Variants in ZFHX4 observed in about 807,000 individuals in gnomAD.
The protein encoded by ZFHX4 is zinc finger homeobox protein 4.
In ZFHX4, 56 loss-of-function variants were observed where a neutral mutation model predicts 267.6. The observed-to-expected ratio is 0.21, with a 90% CI of 0.17 to 0.26. The LOEUF (loss-of-function observed/expected upper bound fraction) is 0.26, where lower values mean the gene tolerates loss of function less well. Among genes scored for constraint, ZFHX4 ranks in the 10% least tolerant of loss-of-function variants. ZFHX4 has a pLI of 1.00. For missense variants in ZFHX4, 4,332 were observed against 4,420.0 expected (o/e 0.98, Z 0.56); for synonymous variants, 1,778 against 1,665.6 (o/e 1.07, Z -1.64).
At chr8:76,697,384 C>T (rs935022783) in intron 1 of ZFHX4, among the ~76,000 whole-genome samples, 1 of 151,598 alleles carries the variant, frequency 6.6e-6, no homozygotes, top group African/African-American at 2.4e-5. Context: ...TTAATAAAAC[C>T]AATTAAGATT....
intron 1 of ZFHX4, among the ~76,000 whole-genome samples, chr8:76,699,894 A>G (rs1265987035): frequency 7.9e-5 from 12 of 151,918 alleles, no homozygotes; most frequent in Admixed American, 7.9e-4. Flanking sequence ...GATTTTTTTC[A>G]TCAGTTCTCT....
chr8:76,853,131 G>A lies in ZFHX4; in HGVS notation c.6210G>A (p.Pro2070=), dbSNP rs919148511. The A allele has an allele frequency of 1.3e-5, 18 of 1,439,260 alleles. No homozygotes were observed. Among genetic ancestry groups the A allele is most frequent in the African/African-American group, 6.0e-5 (4 of 66,514 alleles). The allele number at this position is 1,439,260 out of a possible 1,614,324, so 89.2% of individuals were successfully genotyped here. ...CTGCTCCTCCACAGGTCCAACTGCCGGTTTCTCTGGACCTGCCGCTCTTTC... is the reference window on the plus strand; with the variant it reads ...CTGCTCCTCCACAGGTCCAACTGCCAGTTTCTCTGGACCTGCCGCTCTTTC... ...PPSAPPQVQL[P]VSLDLPLFPS... is the part of the protein sequence containing the mutation. Residue 2070 remains proline (P), a synonymous_variant, in exon 10 of 11, where the codon CCG becomes CCA. Coordinates refer to ENST00000651372, the MANE Select transcript of ZFHX4 (RefSeq NM_024721.5).
At chr8:76,738,633 T>TCCTTCCTTCCTC (rs1809230508) in intron 3 of ZFHX4, among the ~76,000 whole-genome samples, 8 of 148,114 alleles carry the variant, frequency 5.4e-5, no homozygotes, top group Non-Finnish European at 7.5e-5. Context: ...CTTCTTTCCT[T>TCCTTCCTTCCTC]CCTTCCTTCC....
Position 76,707,718 on chromosome 8 carries a change from T to A in ZFHX4, c.2763T>A (p.Ser921Arg), listed in dbSNP as rs749920224. ...CCTCTGACAGCCTGGAGGCCCTAAG[T>A]GTGCATGTGAGCAGTGAGCGCTCTC... ...KFTSDSLEAL[S>R]VHVSSERSLP... The change falls in exon 3 of 11, where the codon AGT (serine) becomes AGA (arginine). Residue 921 changes from serine (S) to arginine (R), a missense_variant. By Grantham distance (110) the Ser-to-Arg change is moderately radical. This residue lies in a region of ZFHX4 where 1,195 missense variants were observed against 1,173.6 expected (regional missense o/e 1.02). Coordinates refer to ENST00000651372, the MANE Select transcript of ZFHX4 (RefSeq NM_024721.5). 1.9e-6 allele frequency: 3 copies of A among 1,613,830 alleles called. No homozygotes were observed. In the South Asian group the frequency reaches 3.3e-5, roughly 18 times the overall value.
At position 76,853,092 on chromosome 8, in the gene ZFHX4, A is replaced by G. The variant is rs769460797; in HGVS notation, c.6171A>G (p.Pro2057=). Residue 2057 remains proline (P), a synonymous_variant, in exon 10 of 11, where the codon CCA becomes CCG. Coordinates refer to ENST00000651372, the MANE Select transcript of ZFHX4 (RefSeq NM_024721.5). The part of the protein sequence containing the change: ...PPPPPPPPPP[P]PPPPSAPPQV... ...CTCCTCCTCCTCCTCCTCCCCCCCC[A>G]CCTCCTCCACCTTCTGCTCCTCCAC... The G allele has an allele frequency of 2.2e-6, 1 of 461,838 alleles. No individual in the cohort carries two copies. The highest frequency in any genetic ancestry group is 4.6e-5 in the Admixed American group (1 of 21,528). The allele number at this position is 461,838 out of a possible 1,614,324, so 28.6% of individuals were successfully genotyped here.
At chr8:76,721,930 T>G (rs1304234491) in intron 3 of ZFHX4, among the ~76,000 whole-genome samples, 1 of 152,170 alleles carries the variant, frequency 6.6e-6, no homozygotes, top group Non-Finnish European at 1.5e-5. Context: ...GTACTTTTCT[T>G]GCTAACTGAC....
Position 76,851,960 on chromosome 8 carries a change from C to T in ZFHX4, c.5039C>T (p.Ser1680Phe). ...LNKKQTPDLI[S>F]AQPAHHPPQS... is the part of the protein sequence containing the mutation. ...AAAAAGCAAACTCCTGATTTAATCT[C>T]TGCTCAACCTGCACATCACCCACCA... Residue 1680 changes from serine (S) to phenylalanine (F), a missense_variant, in exon 10 of 11, where the codon TCT becomes TTT. This residue lies in a region of ZFHX4 where 1,371 missense variants were observed against 1,423.1 expected (regional missense o/e 0.96). Coordinates refer to ENST00000651372, the MANE Select transcript of ZFHX4 (RefSeq NM_024721.5). The T allele has an allele frequency of 1.2e-6, 2 of 1,613,986 alleles. No individual in the cohort carries two copies. The highest frequency in any genetic ancestry group is 1.7e-6 in the Non-Finnish European group (2 of 1,179,870).
intron 3 of ZFHX4, among the ~76,000 whole-genome samples, chr8:76,713,709 G>A (rs1808490753): frequency 6.6e-6 from 1 of 152,174 alleles, no homozygotes; most frequent in African/African-American, 2.4e-5. Context: ...TATAAAAGCA[G>A]AGTCGTGCCT....
Position 76,852,387 on chromosome 8 carries a change from A to ACAGCAG in ZFHX4, c.5475_5480dup (p.Gln1828_Gln1829dup), listed in dbSNP as rs772856785. 6.4e-7 allele frequency: 1 copy of ACAGCAG among 1,554,422 alleles called. No individual in the cohort carries two copies. Among genetic ancestry groups the ACAGCAG allele is most frequent in the East Asian group, 2.4e-5 (1 of 41,028 alleles). On this transcript the variant is annotated inframe_insertion, in exon 10 of 11. Transcript: ENST00000651372. ...AACAACAGCAGCAGCCACCACCTCCACAGCAGCAGCAGCAACAGCAGGCAA... is the reference window on the plus strand; with the variant it reads ...AACAACAGCAGCAGCCACCACCTCCACAGCAGCAGCAGCAGCAGCAACAGCAGGCAA...
chr8:76,775,149 T>C (rs1056746264), intron 3 of ZFHX4, among the ~76,000 whole-genome samples: 1 of 152,188 alleles, frequency 6.6e-6, no homozygotes, highest in South Asian at 2.1e-4. Context: ...GACAGTTATA[T>C]TTAAATGCAA....
intron 4 of ZFHX4, among the ~76,000 whole-genome samples, chr8:76,819,238 C>A (rs772335189): frequency 2.0e-5 from 3 of 146,680 alleles, no homozygotes; most frequent in African/African-American, 7.6e-5. Context: ...AGTGTTGGGG[C>A]TCTGTTTTAT....
Position 76,854,558 on chromosome 8 carries a change from T to A in ZFHX4, c.7637T>A (p.Leu2546Gln). The change falls in exon 10 of 11, where the codon CTG becomes CAG. Residue 2546 changes from leucine to glutamine, a missense_variant. Physicochemically the swap from Leu to Gln is moderately radical, Grantham distance 113. Coordinates refer to ENST00000651372, the MANE Select transcript of ZFHX4 (RefSeq NM_024721.5). ...PYMIFDPNNP[L>Q]MTGQLLGSSL... ...ATGATATTTGACCCCAACAATCCGC[T>A]GATGACTGGACAACTGCTGGGCAGT... The A allele has an allele frequency of 6.2e-7, 1 of 1,613,786 alleles. No homozygotes were observed. The highest frequency in any genetic ancestry group is 8.5e-7 in the Non-Finnish European group (1 of 1,179,846).
intron 4 of ZFHX4, among the ~76,000 whole-genome samples, chr8:76,813,230 T>C (rs1370851364): frequency 1.3e-5 from 2 of 152,286 alleles, no homozygotes; most frequent in South Asian, 2.1e-4. Context: ...ACACTGTTAG[T>C]TTTCAATCTG....
chr8:76,779,939 G>A (rs1316978788), intron 4 of ZFHX4, among the ~76,000 whole-genome samples: 1 of 151,954 alleles, frequency 6.6e-6, no homozygotes, highest in Non-Finnish European at 1.5e-5. Flanking sequence ...CTCCAACTGT[G>A]CTTGGATAAG....
chr8:76,765,246 A>G (rs951807025), intron 3 of ZFHX4, among the ~76,000 whole-genome samples: 1 of 152,196 alleles, frequency 6.6e-6, no homozygotes, highest in Non-Finnish European at 1.5e-5. Flanking sequence ...CACTACTTAA[A>G]TGCAATAATA....
intron 3 of ZFHX4, among the ~76,000 whole-genome samples, chr8:76,744,144 G>A (rs925969326): frequency 8.6e-5 from 13 of 151,924 alleles, no homozygotes; most frequent in African/African-American, 2.9e-4. Context: ...TTAGGAGTTC[G>A]AGACCAGCCT....
chr8:76,814,302 T>C (rs1445474390), intron 4 of ZFHX4, among the ~76,000 whole-genome samples: 1 of 152,244 alleles, frequency 6.6e-6, no homozygotes, highest in African/African-American at 2.4e-5. Context: ...TCCAATTAGA[T>C]GACTTAATCC....
intron 1 of ZFHX4, chr8:76,693,475 A>G (rs1334818731): frequency 6.6e-6 from 1 of 152,168 alleles, no homozygotes; most frequent in African/African-American, 2.4e-5. Flanking sequence ...AACATCACAT[A>G]ACTACAGAGT....
intron 3 of ZFHX4, among the ~76,000 whole-genome samples, chr8:76,772,359 G>A (rs1810286020): frequency 6.6e-6 from 1 of 152,162 alleles, no homozygotes; most frequent in African/African-American, 2.4e-5. Context: ...ACCTGGGTAA[G>A]TAATAGAAAT....
Sources: allele counts gnomAD v4.1 joint callset (sites outside exome capture counted in the v4.1 genomes callset), GRCh38; gene constraint gnomAD v4.1.1; regional missense constraint gnomAD v4.1.1; transcripts MANE v1.5; gene names NCBI Gene and HGNC (gene_info 2026-07-23, HGNC 2026-07-21).